TRIM60: variants seen among roughly 807,000 people sequenced by gnomAD.
TRIM60 encodes tripartite motif containing 60.
For missense variants in TRIM60, 524 were observed against 540.8 expected (o/e 0.97, Z 0.31); for synonymous variants, 189 against 195.2 (o/e 0.97, Z 0.27).
intron 1 of TRIM60, among the ~76,000 whole-genome samples, chr4:165,032,427 T>G (rs992597115): frequency 6.6e-6 from 1 of 152,160 alleles, no homozygotes; most frequent in Non-Finnish European, 1.5e-5. Context: ...TTTTGTATTT[T>G]TAGTAGAGAC....
chr4:165,040,049 T>C lies in TRIM60; in HGVS notation c.-4-20T>C, dbSNP rs536887931. On this transcript the variant is annotated intron_variant, in intron 2 of 2. Coordinates refer to ENST00000512596, the MANE Select transcript of TRIM60 (RefSeq NM_152620.3). ...GACTGATCAAAGGGAGGTTACCTTA[T>C]GCATTACCTTTGTTCGCAGCTCGAT... is the stretch of plus-strand genomic sequence containing the variant. The C allele has an allele frequency of 1.2e-6, 2 of 1,600,122 alleles. No individual in the cohort carries two copies. The highest frequency in any genetic ancestry group is 2.2e-5 in the South Asian group (2 of 88,920).
chr4:165,041,097 C>T lies in TRIM60; in HGVS notation c.1025C>T (p.Ser342Phe). The T allele has an allele frequency of 6.2e-7, 1 of 1,614,174 alleles. No homozygotes were observed. Among genetic ancestry groups the T allele is most frequent in the Non-Finnish European group, 8.5e-7 (1 of 1,180,032 alleles). Reference protein sequence around the residue: ...RFYVCPAVLGSQRFSSGRHYW... With the variant: ...RFYVCPAVLGFQRFSSGRHYW... ...TATGTCTGCCCTGCTGTCCTAGGCT[C>T]TCAGAGATTTAGTTCTGGCCGACAT... Residue 342 changes from serine (S) to phenylalanine (F), a missense_variant, in exon 3 of 3, where the codon TCT (serine) becomes TTT (phenylalanine). By Grantham distance (155) the Ser-to-Phe change is radical (BLOSUM62 -2). Transcript: ENST00000512596.
chr4:165,041,730 T>C lies in TRIM60; in HGVS notation c.*242T>C. 2.9e-6 allele frequency: 1 copy of C among 343,832 alleles called. No homozygotes were observed. The highest frequency in any genetic ancestry group is 5.4e-6 in the Non-Finnish European group (1 of 184,740). The allele number at this position is 343,832 out of a possible 1,614,324, so 21.3% of individuals were successfully genotyped here. ...ATGTTACTTAACATGTCCAATAAAA[T>C]GTTTTCAAATTGCCTATAATTTTTT... On this transcript the variant is annotated 3_prime_UTR_variant, in exon 3 of 3. Transcript: ENST00000512596.
chr4:165,037,977 T>G (rs1186034560), intron 1 of TRIM60, among the ~76,000 whole-genome samples: 1 of 151,154 alleles, frequency 6.6e-6, no homozygotes, highest in African/African-American at 2.5e-5. Context: ...ATTCACCAGC[T>G]AAGGCCAAAA....
At chr4:165,034,431 C>T (rs752428303) in intron 1 of TRIM60, among the ~76,000 whole-genome samples, 3 of 152,120 alleles carry the variant, frequency 2.0e-5, no homozygotes, top group Non-Finnish European at 4.4e-5. Flanking sequence ...GGATTACAGG[C>T]GTGAGCCACT....
At chr4:165,032,361 G>C (rs1312391573) in intron 1 of TRIM60, among the ~76,000 whole-genome samples, 1 of 152,352 alleles carries the variant, frequency 6.6e-6, no homozygotes, top group Non-Finnish European at 1.5e-5. Flanking sequence ...CGATTCTCCT[G>C]TCTCAGCCTC....
At position 165,040,776 on chromosome 4, in the gene TRIM60, G is replaced by A. The variant is rs751243593; in HGVS notation, c.704G>A (p.Arg235Lys). ...GTTTCCACATTAAAACATCTACTGA[G>A]GGAGGTAGAGGGCAAGTCTGTGCAG... ...DYVSTLKHLL[R>K]EVEGKSVQSN... Residue 235 changes from arginine (R) to lysine (K), a missense_variant, in exon 3 of 3, where the codon AGG becomes AAG. Coordinates refer to ENST00000512596, the MANE Select transcript of TRIM60 (RefSeq NM_152620.3). 6.2e-7 allele frequency: 1 copy of A among 1,614,128 alleles called. No homozygotes were observed. Among genetic ancestry groups the A allele is most frequent in the Non-Finnish European group, 8.5e-7 (1 of 1,180,008 alleles).
In TRIM60 at chr4:165,041,394, A is replaced by G. The variant is rs745333368; in HGVS notation, c.1322A>G (p.Asn441Ser). The change falls in exon 3 of 3, where the codon AAC (asparagine) becomes AGC (serine). Residue 441 changes from asparagine (N) to serine (S), a missense_variant. By Grantham distance (46) the Asn-to-Ser change is conservative (BLOSUM62 1). Coordinates refer to ENST00000512596, the MANE Select transcript of TRIM60 (RefSeq NM_152620.3). ...GATAGGTCTATTCTCTATACTTTTA[A>G]CGATTGTTTCACAGAAGCCGTTTGG... ...MNDRSILYTFNDCFTEAVWPY... is the reference protein window; with the variant it reads ...MNDRSILYTFSDCFTEAVWPY... The G allele has an allele frequency of 6.2e-7, 1 of 1,613,470 alleles. No homozygotes were observed. The highest frequency in any genetic ancestry group is 2.2e-5 in the East Asian group (1 of 44,880).
At chr4:165,039,799 C>T (rs1421735776) in intron 2 of TRIM60, among the ~76,000 whole-genome samples, 3 of 112,602 alleles carry the variant, frequency 2.7e-5, no homozygotes, top group African/African-American at 1.3e-4. Flanking sequence ...AGCGAGACTC[C>T]GTCTCAAAAA....
intron 1 of TRIM60, among the ~76,000 whole-genome samples, chr4:165,032,427 TTAGTAGAGACGAGGTTTCTCCATG>T (rs1733524183): frequency 6.6e-6 from 1 of 152,160 alleles, no homozygotes; most frequent in Non-Finnish European, 1.5e-5. Flanking sequence ...TTTTGTATTT[TTAGTAGAGACGAGGTTTCTCCATG>T]TTGGCCAGGC....
At position 165,040,390 on chromosome 4, in the gene TRIM60, C is replaced by A. The variant is rs777803054; in HGVS notation, c.318C>A (p.Leu106=). ...MCEKHNQFLT[L]FCVKDLEILC... is the part of the protein sequence containing the mutation. ...AAAAACACAACCAGTTTCTGACCCT[C>A]TTCTGTGTTAAAGATCTAGAGATCT... Residue 106 remains leucine, a synonymous_variant, in exon 3 of 3, where the codon CTC becomes CTA. Coordinates refer to ENST00000512596, the MANE Select transcript of TRIM60 (RefSeq NM_152620.3). The A allele has an allele frequency of 6.2e-7, 1 of 1,614,244 alleles. No individual in the cohort carries two copies. Among genetic ancestry groups the A allele is most frequent in the Non-Finnish European group, 8.5e-7 (1 of 1,180,042 alleles).
chr4:165,038,276 A>G (rs1298588671), intron 1 of TRIM60, among the ~76,000 whole-genome samples: 1 of 152,234 alleles, frequency 6.6e-6, no homozygotes, highest in African/African-American at 2.4e-5. Flanking sequence ...CTAATATCTA[A>G]TAAATAGTAC....
At chr4:165,036,204 G>T (rs143208232) in intron 1 of TRIM60, among the ~76,000 whole-genome samples, 2 of 152,168 alleles carry the variant, frequency 1.3e-5, no homozygotes, top group Admixed American at 1.3e-4. Flanking sequence ...GTGAGCATCT[G>T]TTCTGGGTCA....
chr4:165,035,208 G>T (rs1248424032), intron 1 of TRIM60, among the ~76,000 whole-genome samples: 1 of 152,134 alleles, frequency 6.6e-6, no homozygotes, highest in Non-Finnish European at 1.5e-5. Context: ...GCACTATAGG[G>T]ACATGCCACC....
Position 165,040,907 on chromosome 4 carries a change from C to A in TRIM60, c.835C>A (p.Leu279Ile), listed in dbSNP as rs779268700. The change falls in exon 3 of 3, where the codon CTT becomes ATT. Residue 279 changes from leucine to isoleucine, a missense_variant. Physicochemically the swap from Leu to Ile is conservative, Grantham distance 5. Coordinates refer to ENST00000512596, the MANE Select transcript of TRIM60 (RefSeq NM_152620.3). Reference sequence around the variant, plus strand: ...TAGATTAACAAAATATGGTTTCAGTCTTCCTCCTCAATATTCTGGCTTGGA... The same window carrying A: ...TAGATTAACAAAATATGGTTTCAGTATTCCTCCTCAATATTCTGGCTTGGA... Reference protein sequence around the residue: ...SFRLTKYGFSLPPQYSGLDRI... With the variant: ...SFRLTKYGFSIPPQYSGLDRI... 1 of 1,612,810 alleles carries A rather than the reference C, an allele frequency of 6.2e-7. No individual in the cohort carries two copies. The highest frequency in any genetic ancestry group is 1.1e-5 in the South Asian group (1 of 90,922).
chr4:165,039,837 T>C (rs1733709881), intron 2 of TRIM60, among the ~76,000 whole-genome samples: 1 of 149,482 alleles, frequency 6.7e-6, no homozygotes. Context: ...TCAGACGGGC[T>C]CATGTATAAT....
At position 165,041,069 on chromosome 4, in the gene TRIM60, T is replaced by C. The variant is rs374127647; in HGVS notation, c.997T>C (p.Phe333Leu). The C allele has an allele frequency of 6.2e-7, 1 of 1,614,154 alleles. No homozygotes were observed. The highest frequency in any genetic ancestry group is 2.2e-5 in the East Asian group (1 of 44,882). Residue 333 changes from phenylalanine (F) to leucine (L), a missense_variant, in exon 3 of 3, where the codon TTT (phenylalanine) becomes CTT (leucine). Transcript: ENST00000512596. ...KRNICYDPRR[F>L]YVCPAVLGSQ... ...AAACATTTGTTATGACCCAAGGAGA[T>C]TTTATGTCTGCCCTGCTGTCCTAGG...
At chr4:165,033,397 G>A (rs149971455) in intron 1 of TRIM60, among the ~76,000 whole-genome samples, 2 of 152,278 alleles carry the variant, frequency 1.3e-5, no homozygotes, top group African/African-American at 4.8e-5. Context: ...AATTCAGACC[G>A]TGAACTGTAC....
Position 165,040,098 on chromosome 4 carries a change from A to G in TRIM60, c.26A>G (p.Asn9Ser), listed in dbSNP as rs767870609. MEFVTALV[N>S]LQEESSCPIC... is the part of the protein sequence containing the mutation. ...ATGGAGTTTGTGACAGCCCTGGTGA[A>G]CCTCCAAGAGGAGTCTAGCTGTCCC... Residue 9 changes from asparagine (N) to serine (S), a missense_variant, in exon 3 of 3, where the codon AAC (asparagine) becomes AGC (serine). By Grantham distance (46) the Asn-to-Ser change is conservative (BLOSUM62 1). Transcript: ENST00000512596. 3.7e-6 allele frequency: 6 copies of G among 1,612,626 alleles called. No homozygotes were observed. In the East Asian group the frequency reaches 1.1e-4, roughly 30 times the overall value.
Sources: allele counts gnomAD v4.1 joint callset (sites outside exome capture counted in the v4.1 genomes callset), GRCh38; gene constraint gnomAD v4.1.1; transcripts MANE v1.5; gene names NCBI Gene and HGNC (gene_info 2026-07-23, HGNC 2026-07-21).